The following SPATA31C1 variants were observed in gnomAD, a reference collection of about 807,000 sequenced individuals.
SPATA31C1 encodes SPATA31 subfamily C member 1.
Position 87,920,242 on chromosome 9 carries a change from T to C in SPATA31C1, n.642-10T>C. 2 of 1,612,866 alleles carry C rather than the reference T, an allele frequency of 1.2e-6. No homozygotes were observed. The highest frequency in any genetic ancestry group is 1.7e-6 in the Non-Finnish European group (2 of 1,179,482). On this transcript the variant is annotated splice_polypyrimidine_tract_variant and intron_variant and non_coding_transcript_variant, in intron 4 of 4. Coordinates refer to ENST00000420021, the Ensembl canonical transcript of SPATA31C1. The stretch of plus-strand genomic sequence containing the variant: ...TCCTGGCTGCAGCTTGTGCCTCCTG[T>C]CTCCTGCAGCCTCCTGGGGCCACAC...
chr9:87,922,079 A>G lies in SPATA31C1; in HGVS notation n.2469A>G, dbSNP rs559309371. ...CACCAATGGCAAGTCTGAGAAAGCA[A>G]GTGCTGACCAAACCATCTGTTCACA... On this transcript the variant is annotated non_coding_transcript_exon_variant, in exon 5 of 5. Transcript: ENST00000420021. 72 of 1,613,806 alleles carry G rather than the reference A, an allele frequency of 4.5e-5. 1 individual carries two copies. The African/African-American group carries it at 5.2e-4, about 12-fold the overall frequency.
At chr9:87,919,283 T>C (rs762158461) in intron 2 of SPATA31C1, 47 of 1,588,908 alleles carry the variant, frequency 3.0e-5, no homozygotes, top group Non-Finnish European at 3.9e-5. Context: ...CGTCATCTTG[T>C]CTCCCAGTGT....
At chr9:87,916,133 A>G (rs1329514736) in intron 1 of SPATA31C1, among the ~76,000 whole-genome samples, 1 of 143,710 alleles carries the variant, frequency 7.0e-6, no homozygotes, top group Non-Finnish European at 1.5e-5. Context: ...CTGACCTCAC[A>G]GAATTCTTGC....
chr9:87,922,333 A>G, exon 5 of SPATA31C1: 1 of 1,611,264 alleles, frequency 6.2e-7, no homozygotes. Flanking sequence ...GCAGTGCCAC[A>G]ACCCACAGTC....
chr9:87,921,554 C>A, exon 5 of SPATA31C1: 1 of 1,611,970 alleles, frequency 6.2e-7, no homozygotes, highest in Non-Finnish European at 8.5e-7. Flanking sequence ...TGGGGGCGAC[C>A]TCTGAGGAGT....
exon 5 of SPATA31C1, chr9:87,922,638 C>A (rs774291529): frequency 2.1e-5 from 33 of 1,608,820 alleles, no homozygotes; most frequent in Non-Finnish European, 2.7e-5. Flanking sequence ...GGGCCATCTC[C>A]AGAGCACGCC....
intron 1 of SPATA31C1, among the ~76,000 whole-genome samples, chr9:87,916,399 C>G (rs1461803557): frequency 2.0e-5 from 3 of 147,948 alleles, no homozygotes; most frequent in African/African-American, 7.4e-5. Context: ...TGGATGTTAT[C>G]AAAATTTAAA....
chr9:87,920,315 T>C (rs755476896), exon 5 of SPATA31C1: 1 of 1,613,884 alleles, frequency 6.2e-7, no homozygotes, highest in Non-Finnish European at 8.5e-7. Context: ...ACCCGCCAGG[T>C]GAGGTGGGCA....
intron 3 of SPATA31C1, among the ~76,000 whole-genome samples, chr9:87,919,664 C>T (rs1315613141): frequency 1.1e-5 from 1 of 88,978 alleles, no homozygotes; most frequent in Non-Finnish European, 2.3e-5. Context: ...CTGAGACCAC[C>T]CCAGTCCTTT....
chr9:87,916,935 T>A (rs1263068767), intron 1 of SPATA31C1, among the ~76,000 whole-genome samples: 1 of 58,910 alleles, frequency 1.7e-5, no homozygotes, highest in African/African-American at 8.2e-5. Flanking sequence ...ACGCACAGGT[T>A]GCAGTGAGCC....
exon 5 of SPATA31C1, chr9:87,920,482 C>G (rs759060618): frequency 1.2e-6 from 2 of 1,613,980 alleles, no homozygotes; most frequent in Non-Finnish European, 1.7e-6. Context: ...TCAGTCTCCT[C>G]CCTAAGTGCC....
At chr9:87,915,460 C>T (rs1373688882) in intron 1 of SPATA31C1, among the ~76,000 whole-genome samples, 9 of 145,158 alleles carry the variant, frequency 6.2e-5, no homozygotes, top group African/African-American at 2.3e-4. Context: ...CCCGCCACCA[C>T]GCCTGGCTAA....
exon 5 of SPATA31C1, chr9:87,921,510 T>C: frequency 6.2e-7 from 1 of 1,611,754 alleles, no homozygotes; most frequent in Non-Finnish European, 8.5e-7. Context: ...ACAAAATCTA[T>C]CCAGGGGCAT....
exon 5 of SPATA31C1, chr9:87,922,311 G>A: frequency 1.9e-6 from 3 of 1,611,714 alleles, no homozygotes; most frequent in Non-Finnish European, 2.5e-6. Context: ...AAGGGCTGGA[G>A]AGACCAGGGA....
In SPATA31C1 at chr9:87,915,801, C is replaced by A. The variant is rs1383441552; in HGVS notation, n.189+1091C>A. On this transcript the variant is annotated intron_variant and non_coding_transcript_variant, in intron 1 of 4. Coordinates refer to ENST00000420021, the Ensembl canonical transcript of SPATA31C1. ...TGTCTGTCCCCCTGCCAATACCACACTGTCTTGATTTCTGTAGCTATGTAA... is the reference window on the plus strand; with the variant it reads ...TGTCTGTCCCCCTGCCAATACCACAATGTCTTGATTTCTGTAGCTATGTAA... Among the ~76,000 whole-genome samples, 569 of 143,298 alleles carry A rather than the reference C, an allele frequency of 4.0e-3. 3 individuals are homozygous for A. Among genetic ancestry groups the A allele is most frequent in the African/African-American group, 0.014 (532 of 38,238 alleles). The allele number at this position is 143,298 out of a possible 152,430, so 94.0% of individuals were successfully genotyped here.
At chr9:87,921,847 G>C in exon 5 of SPATA31C1, 1 of 1,612,064 alleles carries the variant, frequency 6.2e-7, no homozygotes, top group Non-Finnish European at 8.5e-7. Flanking sequence ...CTTGAGCTGT[G>C]TACTCAGCAG....
chr9:87,922,313 G>C lies in SPATA31C1; in HGVS notation n.2703G>C, dbSNP rs762544630. On this transcript the variant is annotated non_coding_transcript_exon_variant, in exon 5 of 5. Transcript: ENST00000420021. ...GAGCCCAATCTTCAAGGGCTGGAGA[G>C]ACCAGGGAGGCAGTGCCACAACCCA... 1.9e-6 allele frequency: 3 copies of C among 1,611,562 alleles called. No individual in the cohort carries two copies. The African/African-American group carries it at 4.0e-5, about 22-fold the overall frequency.
chr9:87,919,924 G>C lies in SPATA31C1; in HGVS notation n.589G>C, dbSNP rs752123724. The C allele has an allele frequency of 4.4e-6, 7 of 1,607,300 alleles. No individual in the cohort carries two copies. In the South Asian group the frequency reaches 6.6e-5, roughly 15 times the overall value. ...CCCGGTCTGATTTCCAGCTTGTAGA[G>C]AGTGCCCGAGAGGCCTGGAGGAGAC... On this transcript the variant is annotated non_coding_transcript_exon_variant, in exon 4 of 5. Transcript: ENST00000420021.
chr9:87,919,048 G>A (rs552051416), intron 2 of SPATA31C1: 4 of 762,776 alleles, frequency 5.2e-6, no homozygotes, highest in Admixed American at 4.5e-5. Flanking sequence ...TGGATTATAG[G>A]CGTGAGCCAC....
Sources: gnomAD v4.1 joint callset for allele counts (sites outside exome capture counted in the v4.1 genomes callset) on GRCh38, gnomAD v4.1.1 for gene constraint, MANE v1.5 for transcripts, NCBI Gene and HGNC (gene_info 2026-07-23, HGNC 2026-07-21) for gene names.